Variants in USP32 observed in about 807,000 individuals in gnomAD.
The protein encoded by USP32 is ubiquitin carboxyl-terminal hydrolase 32.
Under a neutral mutation model 204.8 loss-of-function variants are expected in USP32, and 59 were observed. The observed-to-expected ratio is 0.29, with a 90% CI of 0.23 to 0.36. The LOEUF (loss-of-function observed/expected upper bound fraction) is 0.36, where lower values mean the gene tolerates loss of function less well. Ranked by LOEUF, USP32 falls within the 10% of genes least tolerant of loss-of-function variation. The pLI, the probability that USP32 is intolerant of heterozygous loss-of-function variation, is 1.00. For synonymous variants in USP32, 517 were observed against 678.4 expected (o/e 0.76, Z 3.70); for missense variants, 1,160 against 1,946.4 (o/e 0.60, Z 7.60).
At chr17:60,349,982 T>C (rs1451698690) in intron 1 of USP32, among the ~76,000 whole-genome samples, 1 of 151,064 alleles carries the variant, frequency 6.6e-6, no homozygotes, top group African/African-American at 2.4e-5. Flanking sequence ...GCCTAAGTTC[T>C]GCTCTGTGGT....
chr17:60,258,154 G>A (rs1029668619), intron 9 of USP32: 2 of 156,618 alleles, frequency 1.3e-5, no homozygotes, highest in African/African-American at 4.8e-5. Flanking sequence ...AGCTCCAACG[G>A]TGCCATGAAA....
At chr17:60,359,207 A>T (rs963084206) in intron 1 of USP32, among the ~76,000 whole-genome samples, 3 of 152,080 alleles carry the variant, frequency 2.0e-5, no homozygotes, top group Non-Finnish European at 4.4e-5. Flanking sequence ...CTACAAAATA[A>T]CTTTCCTTAT....
chr17:60,317,638 G>A (rs1014503469), intron 2 of USP32, among the ~76,000 whole-genome samples: 2 of 152,016 alleles, frequency 1.3e-5, no homozygotes, highest in Non-Finnish European at 2.9e-5. Flanking sequence ...AAAATAGCGA[G>A]ACCCTCACCG....
chr17:60,370,463 T>TC (rs2089414821), intron 1 of USP32, among the ~76,000 whole-genome samples: 1 of 151,910 alleles, frequency 6.6e-6, no homozygotes, highest in Non-Finnish European at 1.5e-5. Context: ...GATTCCACTT[T>TC]CAAAAAATTA....
chr17:60,215,430 TCA>T (rs1221508941), intron 16 of USP32, among the ~76,000 whole-genome samples: 1 of 149,734 alleles, frequency 6.7e-6, no homozygotes, highest in Non-Finnish European at 1.5e-5. Context: ...CTCAGCTGAG[TCA>T]CAGTCAATAG....
chr17:60,233,248 T>C (rs1223233984), intron 12 of USP32, among the ~76,000 whole-genome samples: 1 of 152,192 alleles, frequency 6.6e-6, no homozygotes. Context: ...GGAGAATCGC[T>C]TGAGCCCAGG....
chr17:60,343,564 C>T (rs112898467), intron 2 of USP32, among the ~76,000 whole-genome samples: 5,312 of 152,122 alleles, frequency 0.035, 318 homozygotes, highest in African/African-American at 0.12. Context: ...GGGTAAATAA[C>T]GAAATGAAGG....
At chr17:60,369,702 A>G (rs750962750) in intron 1 of USP32, among the ~76,000 whole-genome samples, 42 of 152,182 alleles carry the variant, frequency 2.8e-4, no homozygotes, top group Non-Finnish European at 5.3e-4. Context: ...GCAGCAAATT[A>G]GTGAAATAGT....
Position 60,181,466 on chromosome 17 carries a change from G to A in USP32, c.4406C>T (p.Ala1469Val), listed in dbSNP as rs3207630. The change falls in exon 32 of 34, where the codon GCC (alanine) becomes GTC (valine). Residue 1469 changes from alanine (A) to valine (V), a missense_variant. Transcript: ENST00000300896. ...TTCATGCTCATAAAGGAATCCATTGGCCAAAGCTACCTCATGGTCCTGAGG... is the reference window on the plus strand; with the variant it reads ...TTCATGCTCATAAAGGAATCCATTGACCAAAGCTACCTCATGGTCCTGAGG... The part of the protein sequence containing the change: ...VTPQDHEVAL[A>V]NGFLYEHEAC... 2.5e-6 allele frequency: 4 copies of A among 1,613,928 alleles called. No individual in the cohort carries two copies. The highest frequency in any genetic ancestry group is 3.4e-6 in the Non-Finnish European group (4 of 1,179,850).
chr17:60,318,958 G>A (rs971348397), intron 2 of USP32, among the ~76,000 whole-genome samples: 4 of 152,190 alleles, frequency 2.6e-5, no homozygotes, highest in Non-Finnish European at 5.9e-5. Context: ...AATGAACTTT[G>A]AAAACATTAT....
At position 60,356,743 on chromosome 17, in the gene USP32, T is replaced by C. The variant is rs77649115; in HGVS notation, c.59-11135A>G. Among the ~76,000 whole-genome samples, 1,441 of 152,318 alleles carry C rather than the reference T, an allele frequency of 9.5e-3. 32 individuals carry two copies. Among genetic ancestry groups the C allele is most frequent in the African/African-American group, 0.033 (1,385 of 41,572 alleles). ...ACTACAGTACTTAAAATGTCTCATT[T>C]TCAACAAAAAATTGCAAAGCATTTA... is the stretch of plus-strand genomic sequence containing the variant. On this transcript the variant is annotated intron_variant, in intron 1 of 33. Transcript: ENST00000300896.
At chr17:60,335,312 GTGTC>G (rs1169943934) in intron 2 of USP32, among the ~76,000 whole-genome samples, 1 of 142,336 alleles carries the variant, frequency 7.0e-6, no homozygotes, top group Admixed American at 6.8e-5. Context: ...TATTAAGTAT[GTGTC>G]TGTCTTTCTT....
At chr17:60,348,756 AGACT>A (rs1242901955) in intron 1 of USP32, among the ~76,000 whole-genome samples, 1 of 151,616 alleles carries the variant, frequency 6.6e-6, no homozygotes, top group African/African-American at 2.4e-5. Flanking sequence ...TGACAGAGCG[AGACT>A]GTCTTAAAAA....
At chr17:60,276,097 G>A (rs943226459) in intron 5 of USP32, among the ~76,000 whole-genome samples, 1 of 151,904 alleles carries the variant, frequency 6.6e-6, no homozygotes, top group Non-Finnish European at 1.5e-5. Context: ...AATATATAAC[G>A]GCTGGGCGTG....
chr17:60,181,802 C>G (rs1366907744), intron 31 of USP32, 54 bp from the exon 32 acceptor site: 39 of 1,567,534 alleles, frequency 2.5e-5, no homozygotes, highest in Non-Finnish European at 3.3e-5. Context: ...CAAAGTAAGC[C>G]AGCCCCAAAT....
intron 33 of USP32, among the ~76,000 whole-genome samples, 162 bp downstream of exon 33, chr17:60,180,383 T>G (rs979979955): frequency 6.6e-6 from 1 of 152,374 alleles, no homozygotes; most frequent in East Asian, 1.9e-4. Context: ...TTCCCTACTC[T>G]GCATATAACT....
At chr17:60,284,864 A>G (rs770324136) in intron 5 of USP32, among the ~76,000 whole-genome samples, 14 of 151,896 alleles carry the variant, frequency 9.2e-5, no homozygotes, top group Non-Finnish European at 1.8e-4. Context: ...CATTCCCCTC[A>G]CCTTGGACTG....
chr17:60,344,698 T>A (rs866876114), intron 2 of USP32, among the ~76,000 whole-genome samples: 7 of 152,280 alleles, frequency 4.6e-5, no homozygotes, highest in African/African-American at 1.7e-4. Context: ...CAAGTGATCC[T>A]CCTGCCTCGA....
intron 2 of USP32, among the ~76,000 whole-genome samples, chr17:60,317,136 G>C (rs896276760): frequency 2.0e-5 from 3 of 152,210 alleles, no homozygotes; most frequent in Middle Eastern, 3.4e-3. Context: ...AAAATGGAGT[G>C]ATGAAAAATG....
Sources: gnomAD v4.1 joint callset for allele counts (sites outside exome capture counted in the v4.1 genomes callset) on GRCh38, gnomAD v4.1.1 for gene constraint, MANE v1.5 for transcripts, NCBI Gene and HGNC (gene_info 2026-07-23, HGNC 2026-07-21) for gene names.